PPM1L: variants seen among roughly 807,000 people sequenced by gnomAD.
PPM1L encodes the protein protein phosphatase 1L.
A neutral mutation model predicts 31.4 loss-of-function variants in PPM1L; 13 were observed. The observed-to-expected ratio is 0.41, with a 90% confidence interval of 0.27 to 0.66. The LOEUF is 0.66. PPM1L is among the 30% of genes least tolerant of loss of function. The probability of loss-of-function intolerance (pLI) is 0.29; values close to 1 mark genes in which losing one functional copy is unlikely to be tolerated. For synonymous variants in PPM1L, 184 were observed against 175.4 expected, an observed-to-expected ratio of 1.05 and a Z score of -0.39; for missense variants, 326 against 453.7, an observed-to-expected ratio of 0.72 and a Z score of 2.56.
At chr3:160,881,711 A>G (rs1712723025) in intron 1 of PPM1L, among the ~76,000 whole-genome samples, 1 of 152,138 alleles carries the variant, frequency 6.6e-6, no homozygotes, top group Admixed American at 6.5e-5. Flanking sequence ...CTTTCTAGTA[A>G]TGTGTGTCTT....
chr3:160,856,318 C>A (rs2108117158), intron 1 of PPM1L, among the ~76,000 whole-genome samples: 1 of 152,288 alleles, frequency 6.6e-6, no homozygotes, highest in East Asian at 1.9e-4. Flanking sequence ...CATTGGTAAA[C>A]CCAAAGGAAT....
intron 2 of PPM1L, among the ~76,000 whole-genome samples, chr3:161,039,712 G>A (rs953411336): frequency 1.3e-5 from 2 of 151,944 alleles, no homozygotes; most frequent in Admixed American, 6.6e-5. Context: ...TAATAGAGAC[G>A]GGTTTCACTG....
chr3:161,059,050 A>G (rs1407379075), intron 2 of PPM1L, among the ~76,000 whole-genome samples: 1 of 152,234 alleles, frequency 6.6e-6, no homozygotes, highest in African/African-American at 2.4e-5. Flanking sequence ...AGACTGATAC[A>G]TAATTTGCAT....
chr3:161,029,294 G>C (rs1451395111), intron 2 of PPM1L, among the ~76,000 whole-genome samples: 1 of 152,180 alleles, frequency 6.6e-6, no homozygotes, highest in Non-Finnish European at 1.5e-5. Context: ...ATGAAGTTGA[G>C]TTTTACAGTG....
At chr3:160,889,990 A>T (rs1713077647) in intron 1 of PPM1L, among the ~76,000 whole-genome samples, 1 of 152,194 alleles carries the variant, frequency 6.6e-6, no homozygotes, top group Non-Finnish European at 1.5e-5. Flanking sequence ...TTGATAGAAC[A>T]TATCTCAAAA....
In PPM1L at chr3:160,840,777, AGAGAGAGAGAG is replaced by A. The variant is rs1300865394; in HGVS notation, c.399+84082_399+84092del. 2.6e-4 allele frequency among the ~76,000 whole-genome samples: 40 copies of A among 150,992 alleles called. 2 individuals are homozygous for A. In the East Asian group the frequency reaches 4.5e-3, roughly 17 times the overall value. ...GAAAGAAGGAGAGAGAGAGAGAAAGAGAGAGAGAGAGGAGAGAGAGAGAGAAAGAGAGAGAA... is the reference window on the plus strand; with the variant it reads ...GAAAGAAGGAGAGAGAGAGAGAAAGAGAGAGAGAGAGAGAAAGAGAGAGAA... On this transcript the variant is annotated intron_variant, in intron 1 of 3. Transcript: ENST00000498165.
At chr3:160,912,380 A>G (rs565290387) in intron 1 of PPM1L, among the ~76,000 whole-genome samples, 1 of 152,332 alleles carries the variant, frequency 6.6e-6, no homozygotes, top group Admixed American at 6.5e-5. Context: ...ATATTATCAC[A>G]TCTAACTCTG....
intron 2 of PPM1L, among the ~76,000 whole-genome samples, chr3:160,988,322 A>G (rs935706129): frequency 6.6e-6 from 1 of 152,182 alleles, no homozygotes; most frequent in Non-Finnish European, 1.5e-5. Flanking sequence ...AAAAAAATCA[A>G]CCTTGTTCTT....
intron 1 of PPM1L, among the ~76,000 whole-genome samples, chr3:160,757,671 A>G (rs983896154): frequency 6.6e-6 from 1 of 152,186 alleles, no homozygotes; most frequent in African/African-American, 2.4e-5. Context: ...TGGGCCAATC[A>G]CCCCATCTCT....
rs1719915348 is a variant in PPM1L, at chr3:161,071,428, GTGCCC to G, written c.*2275_*2279del. 6 of 152,216 alleles carry G rather than the reference GTGCCC, an allele frequency of 3.9e-5. No individual in the cohort carries two copies. The South Asian group carries it at 1.2e-3, about 31-fold the overall frequency. 9.4% of individuals were successfully genotyped at this position (152,216 alleles called of 1,614,324 possible). On this transcript the variant is annotated 3_prime_UTR_variant, in exon 4 of 4. Transcript: ENST00000498165. ...ACTAAATTAGTAAATCAGTGGTTACGTGCCCTGCAGAATTTCTTAACAGATGGTGC... is the reference window on the plus strand; with the variant it reads ...ACTAAATTAGTAAATCAGTGGTTACGTGCAGAATTTCTTAACAGATGGTGC...
At chr3:160,851,912 G>C (rs1056018163) in intron 1 of PPM1L, among the ~76,000 whole-genome samples, 3 of 152,186 alleles carry the variant, frequency 2.0e-5, no homozygotes, top group African/African-American at 7.2e-5. Flanking sequence ...CTCTTCATAG[G>C]AAATGAGTTC....
chr3:161,018,615 G>T (rs1375994733), intron 2 of PPM1L, among the ~76,000 whole-genome samples: 1 of 151,986 alleles, frequency 6.6e-6, no homozygotes, highest in Non-Finnish European at 1.5e-5. Context: ...TCAGGATTAT[G>T]GATATTTTTT....
rs1040871200 is a variant in PPM1L, at chr3:160,895,598, A to G, written c.400-66138A>G. ...GATAGAATGGGAATAATACTTGTCTATTTTGTGTCTTGGAATGTGACCCTC... is the reference window on the plus strand; with the variant it reads ...GATAGAATGGGAATAATACTTGTCTGTTTTGTGTCTTGGAATGTGACCCTC... On this transcript the variant is annotated intron_variant, in intron 1 of 3. Coordinates refer to ENST00000498165, the MANE Select transcript of PPM1L (RefSeq NM_139245.4). 6.6e-5 allele frequency among the ~76,000 whole-genome samples: 10 copies of G among 152,236 alleles called. No homozygotes were observed. The East Asian group carries it at 7.7e-4, about 12-fold the overall frequency.
intron 1 of PPM1L, among the ~76,000 whole-genome samples, chr3:160,896,246 G>C (rs922471868): frequency 1.3e-5 from 2 of 151,848 alleles, no homozygotes; most frequent in African/African-American, 2.4e-5. Flanking sequence ...ATTTTTAAAC[G>C]CCTTCTAGTA....
At chr3:161,043,342 G>C (rs915509254) in intron 2 of PPM1L, among the ~76,000 whole-genome samples, 1 of 152,182 alleles carries the variant, frequency 6.6e-6, no homozygotes, top group Non-Finnish European at 1.5e-5. Flanking sequence ...TTACAGCATA[G>C]TCTTCCCTAT....
chr3:160,894,745 A>C (rs1713276710), intron 1 of PPM1L, among the ~76,000 whole-genome samples: 1 of 152,118 alleles, frequency 6.6e-6, no homozygotes, highest in Non-Finnish European at 1.5e-5. Flanking sequence ...TGTTTTGCCC[A>C]TTTTGGTTGG....
At chr3:160,835,940 C>G (rs970939286) in intron 1 of PPM1L, among the ~76,000 whole-genome samples, 1 of 151,190 alleles carries the variant, frequency 6.6e-6, no homozygotes, top group African/African-American at 2.4e-5. Flanking sequence ...AGGGATACCC[C>G]CTGGATAGTC....
intron 2 of PPM1L, among the ~76,000 whole-genome samples, chr3:160,990,493 G>A (rs1717098858): frequency 6.6e-6 from 1 of 152,162 alleles, no homozygotes; most frequent in African/African-American, 2.4e-5. Context: ...TACATTAGAA[G>A]TCATAATGGA....
At chr3:160,921,186 A>G (rs1714390246) in intron 1 of PPM1L, among the ~76,000 whole-genome samples, 1 of 152,184 alleles carries the variant, frequency 6.6e-6, no homozygotes, top group South Asian at 2.1e-4. Context: ...CTCCTGCGTA[A>G]CTGTGGAGCC....
Sources: allele counts gnomAD v4.1 joint callset (sites outside exome capture counted in the v4.1 genomes callset), GRCh38; gene constraint gnomAD v4.1.1; transcripts MANE v1.5; gene names NCBI Gene and HGNC (gene_info 2026-07-23, HGNC 2026-07-21).